Variants in FRAS1 observed in about 807,000 individuals in gnomAD.
FRAS1 encodes Fraser extracellular matrix complex subunit 1, also known as extracellular matrix organizing protein FRAS1.
FRAS1 carries 290 observed loss-of-function variants against 435.2 expected under a neutral mutation model. That is an observed-to-expected ratio of 0.67 (90% CI 0.61 to 0.73). The LOEUF is 0.73. FRAS1 is among the 30% of genes least tolerant of loss of function. The pLI is 0.00. For synonymous variants in FRAS1, 1,800 were observed against 1,851.0 expected, an observed-to-expected ratio of 0.97 and a Z score of 0.71; for missense variants, 4,860 against 5,001.5, an observed-to-expected ratio of 0.97 and a Z score of 0.85.
intron 10 of FRAS1, among the ~76,000 whole-genome samples, chr4:78,279,861 C>G (rs1163146938): frequency 6.6e-6 from 1 of 152,106 alleles, no homozygotes; most frequent in Non-Finnish European, 1.5e-5. Flanking sequence ...GAATATGTGC[C>G]AAGGCCCCCA....
chr4:78,243,381 T>C (rs1725090222), intron 3 of FRAS1, among the ~76,000 whole-genome samples: 1 of 151,746 alleles, frequency 6.6e-6, no homozygotes, highest in African/African-American at 2.4e-5. Context: ...CCAGCGATCT[T>C]CACTGATGTT....
Position 78,147,419 on chromosome 4 carries a change from G to C in FRAS1, c.108+81403G>C, listed in dbSNP as rs144271916. 3.2e-4 allele frequency among the ~76,000 whole-genome samples: 48 copies of C among 152,260 alleles called. No homozygotes were observed. In the East Asian group the frequency reaches 4.4e-3, roughly 14 times the overall value. ...ACTTGGCTTTAATTCTAGCTTTGCT[G>C]TTAGTAGTTTTTGAGGGGAAGCCAT... On this transcript the variant is annotated intron_variant, in intron 2 of 73. Transcript: ENST00000512123.
intron 2 of FRAS1, among the ~76,000 whole-genome samples, chr4:78,150,816 A>G (rs1720624891): frequency 6.6e-6 from 1 of 152,198 alleles, no homozygotes; most frequent in Non-Finnish European, 1.5e-5. Flanking sequence ...CGTATAAGAA[A>G]TGATTTATGC....
chr4:78,340,027 A>G (rs2110269369), intron 20 of FRAS1, among the ~76,000 whole-genome samples: 1 of 152,338 alleles, frequency 6.6e-6, no homozygotes, highest in African/African-American at 2.4e-5. Flanking sequence ...TAAAAAATAC[A>G]TGTTTATATA....
chr4:78,135,817 G>A (rs536574696), intron 2 of FRAS1, among the ~76,000 whole-genome samples: 1 of 152,156 alleles, frequency 6.6e-6, no homozygotes, highest in African/African-American at 2.4e-5. Context: ...TCCGGACTGA[G>A]GGTATACCGT....
chr4:78,424,709 A>T (rs916571525), intron 35 of FRAS1, among the ~76,000 whole-genome samples: 2 of 151,724 alleles, frequency 1.3e-5, no homozygotes, highest in Non-Finnish European at 2.9e-5. Flanking sequence ...TGGAAGGCTG[A>T]TGGGGGAGCA....
At chr4:78,151,305 T>G (rs1352481180) in intron 2 of FRAS1, among the ~76,000 whole-genome samples, 1 of 152,132 alleles carries the variant, frequency 6.6e-6, no homozygotes, top group East Asian at 1.9e-4. Context: ...TTTCCCCAAG[T>G]TGAGATAGGA....
At chr4:78,467,457 T>C (rs1719567877) in intron 50 of FRAS1, among the ~76,000 whole-genome samples, 1 of 152,362 alleles carries the variant, frequency 6.6e-6, no homozygotes, top group South Asian at 2.1e-4. Flanking sequence ...CCACATTTTC[T>C]TTATCCATTA....
At chr4:78,356,883 C>T (rs1213734043) in intron 20 of FRAS1, among the ~76,000 whole-genome samples, 10 of 152,132 alleles carry the variant, frequency 6.6e-5, no homozygotes, top group East Asian at 5.8e-4. Flanking sequence ...CACACACACA[C>T]GCATACACAC....
chr4:78,513,241 G>C lies in FRAS1; in HGVS notation c.10014-151G>C, dbSNP rs922036970. ...TACTATGTGTATATGTATACCCCCT[G>C]TTCAGATAGAAATCCTACCTGGAAA... On this transcript the variant is annotated intron_variant, in intron 64 of 73. Coordinates refer to ENST00000512123, the MANE Select transcript of FRAS1 (RefSeq NM_025074.7). 34 of 686,830 alleles carry C rather than the reference G, an allele frequency of 5.0e-5. No homozygotes were observed. The African/African-American group carries it at 5.2e-4, about 10-fold the overall frequency. 42.5% of individuals were successfully genotyped at this position (686,830 alleles called of 1,614,324 possible).
intron 2 of FRAS1, among the ~76,000 whole-genome samples, chr4:78,149,469 A>G (rs971178283): frequency 1.3e-5 from 2 of 152,214 alleles, no homozygotes; most frequent in African/African-American, 4.8e-5. Context: ...CATTCTTCAC[A>G]GGAAACACCA....
At chr4:78,130,556 G>A (rs559212414) in intron 2 of FRAS1, among the ~76,000 whole-genome samples, 109 of 152,162 alleles carry the variant, frequency 7.2e-4, no homozygotes, top group Admixed American at 1.2e-3. Context: ...GAAATTGTGC[G>A]AGTTGTAACC....
rs1721974691 is a variant in FRAS1, at chr4:78,539,192, A to C, written c.11299-102A>C. On this transcript the variant is annotated intron_variant, in intron 72 of 73. Transcript: ENST00000512123. ...CACATACTCTCTCAACTCAACCTAAAGCCAGGAGTGATGAGTACTTTTCTC... is the reference window on the plus strand; with the variant it reads ...CACATACTCTCTCAACTCAACCTAACGCCAGGAGTGATGAGTACTTTTCTC... 3 of 1,153,076 alleles carry C rather than the reference A, an allele frequency of 2.6e-6. No individual in the cohort carries two copies. In the South Asian group the frequency reaches 4.5e-5, roughly 17 times the overall value. 71.4% of individuals were successfully genotyped at this position (1,153,076 alleles called of 1,614,324 possible). A position where few individuals can be genotyped will look rare whatever the true frequency, so the allele number is the denominator to read the frequency against.
chr4:78,371,637 T>C (rs1731514135), intron 23 of FRAS1, among the ~76,000 whole-genome samples: 1 of 152,268 alleles, frequency 6.6e-6, no homozygotes, highest in South Asian at 2.1e-4. Flanking sequence ...TAGGATAATA[T>C]AGAGAAAAAG....
chr4:78,252,365 T>TG, intron 4 of FRAS1, 27 bp from the exon 5 acceptor site: 1 of 1,601,138 alleles, frequency 6.2e-7, no homozygotes, highest in Non-Finnish European at 8.5e-7. Flanking sequence ...ACTAACCTTT[T>TG]TTTTTTTCTG....
intron 2 of FRAS1, among the ~76,000 whole-genome samples, chr4:78,084,531 C>A (rs1199845015): frequency 2.0e-5 from 3 of 152,066 alleles, no homozygotes; most frequent in Non-Finnish European, 2.9e-5. Context: ...TATTTGAGGT[C>A]TATCAATTAG....
At chr4:78,286,159 A>T in intron 13 of FRAS1, 2 of 614,914 alleles carry the variant, frequency 3.3e-6, no homozygotes, top group Middle Eastern at 2.7e-4. Flanking sequence ...TAAAGTTGGG[A>T]TTAATAATAT....
intron 2 of FRAS1, among the ~76,000 whole-genome samples, chr4:78,147,019 G>GC (rs1170530331): frequency 6.6e-6 from 1 of 151,330 alleles, no homozygotes; most frequent in Non-Finnish European, 1.5e-5. Flanking sequence ...ATATTTTTTT[G>GC]CCCCCAGTAG....
intron 33 of FRAS1, 136 bp downstream of exon 33, chr4:78,419,199 A>G (rs1415568666): frequency 3.7e-6 from 2 of 545,820 alleles, no homozygotes; most frequent in East Asian, 3.3e-5. Context: ...ATGATTATTC[A>G]TATTTCTCGC....
Sources: gnomAD v4.1 joint callset for allele counts (sites outside exome capture counted in the v4.1 genomes callset) on GRCh38, gnomAD v4.1.1 for gene constraint, MANE v1.5 for transcripts, NCBI Gene and HGNC (gene_info 2026-07-23, HGNC 2026-07-21) for gene names.